Variants in REXO5 observed in about 807,000 individuals in gnomAD.
The protein encoded by REXO5 is RNA exonuclease 5.
In REXO5, 48 loss-of-function variants were observed where a neutral mutation model predicts 88.5. The ratio of observed to expected loss-of-function variants is 0.54; its 90% CI spans 0.43 to 0.69. The LOEUF (loss-of-function observed/expected upper bound fraction) is 0.69. Ranked by LOEUF, REXO5 falls within the 30% of genes least tolerant of loss-of-function variation. The pLI is 0.00. For synonymous variants in REXO5, 311 were observed against 336.5 expected (o/e 0.92, Z 0.83); for missense variants, 749 against 912.2 (o/e 0.82, Z 2.30).
intron 3 of REXO5, 42 bp downstream of exon 3, chr16:20,813,344 CTTTTTT>C: frequency 4.0e-4 from 257 of 642,386 alleles, no homozygotes; most frequent in Middle Eastern, 7.8e-4. Context: ...CCAGCGGTTT[CTTTTTT>C]TTTTTTTTTT....
chr16:20,815,999 G>A, intron 4 of REXO5, 117 bp from the exon 5 acceptor site: 1 of 756,276 alleles, frequency 1.3e-6, no homozygotes, highest in Non-Finnish European at 2.2e-6. Flanking sequence ...ATTTTAAAAT[G>A]CTAACAATTA....
At chr16:20,842,545 A>G (rs1295184067) in intron 15 of REXO5, among the ~76,000 whole-genome samples, 3 of 151,086 alleles carry the variant, frequency 2.0e-5, no homozygotes, top group Admixed American at 1.3e-4. Context: ...CGTGATCACA[A>G]CTAACTACAG....
intron 13 of REXO5, among the ~76,000 whole-genome samples, chr16:20,838,743 C>A (rs1445713448): frequency 6.6e-6 from 1 of 152,168 alleles, no homozygotes; most frequent in African/African-American, 2.4e-5. Context: ...GTCCTGTCAG[C>A]CTTCCGAGTC....
chr16:20,831,441 G>A (rs764009333), intron 11 of REXO5, among the ~76,000 whole-genome samples: 1 of 151,866 alleles, frequency 6.6e-6, no homozygotes, highest in African/African-American at 2.4e-5. Context: ...ATTAAGCATG[G>A]GCTTAATTAA....
chr16:20,815,053 T>G lies in REXO5; in HGVS notation c.378T>G (p.His126Gln). The G allele has an allele frequency of 6.2e-7, 1 of 1,610,662 alleles. No homozygotes were observed. The highest frequency in any genetic ancestry group is 2.2e-5 in the East Asian group (1 of 44,760). ...EFGCLRKAFR[H>Q]KFRLPPPSSD... ...GATGTCTTCGAAAAGCATTCAGACA[T>G]GTAAGTTAAGAATACTTTGTACTAG... is the stretch of plus-strand genomic sequence containing the variant. Residue 126 changes from histidine to glutamine, a missense_variant and splice_region_variant, in exon 4 of 20, where the codon CAT becomes CAG. Physicochemically the swap from His to Gln is conservative, Grantham distance 24. Transcript: ENST00000261377.
intron 8 of REXO5, among the ~76,000 whole-genome samples, chr16:20,826,453 C>T (rs1318126902): frequency 6.6e-6 from 1 of 152,220 alleles, no homozygotes; most frequent in African/African-American, 2.4e-5. Context: ...GCCAGTGAAA[C>T]ATTACTGTTC....
In REXO5 at chr16:20,844,624, G is replaced by A; in HGVS notation, c.1720-5G>A. The A allele has an allele frequency of 6.2e-7, 1 of 1,613,824 alleles. No homozygotes were observed. The highest frequency in any genetic ancestry group is 8.5e-7 in the Non-Finnish European group (1 of 1,179,812). Reference sequence around the variant, plus strand: ...CTACCACTAACACCAACTTTCCTTGGTTAGGTGCAGAGGCCTGTGACAGAG... The same window carrying A: ...CTACCACTAACACCAACTTTCCTTGATTAGGTGCAGAGGCCTGTGACAGAG... On this transcript the variant is annotated splice_polypyrimidine_tract_variant and splice_region_variant and intron_variant, in intron 16 of 19. Coordinates refer to ENST00000261377, the MANE Select transcript of REXO5 (RefSeq NM_030941.3).
chr16:20,846,370 C>A, intron 19 of REXO5, 31 bp downstream of exon 19: 1 of 1,520,484 alleles, frequency 6.6e-7, no homozygotes, highest in Non-Finnish European at 9.1e-7. Context: ...CCCTTCAGGA[C>A]TCTGTCCCCT....
chr16:20,813,161 G>A (rs374280099), intron 2 of REXO5, 29 bp from the exon 3 acceptor site: 56 of 1,431,532 alleles, frequency 3.9e-5, no homozygotes, highest in African/African-American at 2.4e-4. Flanking sequence ...ACCAATAATG[G>A]CTTGCTACGC....
intron 18 of REXO5, 69 bp downstream of exon 18, chr16:20,845,310 T>C (rs1190697460): frequency 7.3e-7 from 1 of 1,375,012 alleles, no homozygotes; most frequent in African/African-American, 1.5e-5. Flanking sequence ...AATCCTTTAA[T>C]CTTTTTTTTT....
Position 20,828,478 on chromosome 16 carries a change from G to A in REXO5, c.1099G>A (p.Glu367Lys), listed in dbSNP as rs544863530. The A allele has an allele frequency of 6.2e-7, 1 of 1,614,026 alleles. No homozygotes were observed. Among genetic ancestry groups the A allele is most frequent in the East Asian group, 2.2e-5 (1 of 44,880 alleles). Residue 367 changes from glutamate (E) to lysine (K), a missense_variant, in exon 11 of 20, where the codon GAA becomes AAA. By Grantham distance (56) the Glu-to-Lys change is moderately conservative. Transcript: ENST00000261377. ...AGACAGACTTGGTCATGATGCCACAGAAGATGCTAGAACAATCCTTGAATT... is the reference window on the plus strand; with the variant it reads ...AGACAGACTTGGTCATGATGCCACAAAAGATGCTAGAACAATCCTTGAATT... ...CPDRLGHDAT[E>K]DARTILELAR...
intron 13 of REXO5, among the ~76,000 whole-genome samples, chr16:20,833,893 G>A (rs796315977): frequency 2.0e-5 from 3 of 152,168 alleles, no homozygotes; most frequent in African/African-American, 7.2e-5. Context: ...CTTGTCATCT[G>A]TATTCTAATT....
chr16:20,844,077 C>T (rs770290769), intron 16 of REXO5, 51 bp downstream of exon 16: 1 of 1,112,412 alleles, frequency 9.0e-7, no homozygotes, highest in African/African-American at 1.5e-5. Flanking sequence ...CTACCACAGC[C>T]TGTATTTATA....
At chr16:20,845,370 C>A in intron 18 of REXO5, 129 bp downstream of exon 18, 1 of 668,580 alleles carries the variant, frequency 1.5e-6, no homozygotes, top group Non-Finnish European at 2.2e-6. Flanking sequence ...TCCTCCAGTC[C>A]TGGCCACATC....
At chr16:20,841,190 A>T (rs1057260706) in intron 15 of REXO5, among the ~76,000 whole-genome samples, 1 of 152,212 alleles carries the variant, frequency 6.6e-6, no homozygotes, top group Non-Finnish European at 1.5e-5. Context: ...TAATACTTGC[A>T]TATGGTTTTA....
rs1209992939 is a variant in REXO5 at position 20,806,938 on chromosome 16, A to G, written c.-2-14A>G. The stretch of plus-strand genomic sequence containing the variant: ...GCTGGAGTTTCCCCAGCTCTACCTC[A>G]TCTTTCTCCACAGCCATGGAGCCAG... On this transcript the variant is annotated splice_polypyrimidine_tract_variant and intron_variant, in intron 1 of 19. Transcript: ENST00000261377. 4 of 1,574,932 alleles carry G rather than the reference A, an allele frequency of 2.5e-6. No homozygotes were observed. Among genetic ancestry groups the G allele is most frequent in the Admixed American group, 1.8e-5 (1 of 54,414 alleles).
rs1057048376 is a variant in REXO5 at position 20,807,152 on chromosome 16, C to G, written c.138+61C>G. The G allele has an allele frequency of 3.9e-6, 6 of 1,538,480 alleles. No homozygotes were observed. The Admixed American group carries it at 8.2e-5, about 21-fold the overall frequency. ...CGGTTTGGAGCTCCCGGACCCTCGC[C>G]CAACCGCCGTCGGGGGCACTGGATT... On this transcript the variant is annotated intron_variant, in intron 2 of 19. Transcript: ENST00000261377.
Position 20,819,213 on chromosome 16 carries a change from G to A in REXO5, c.476-2549G>A, listed in dbSNP as rs566924487. ...TTGATACCATGTCTTTTCCACCTGC[G>A]CATATCTTTATAATAGAATGATTTA... On this transcript the variant is annotated intron_variant, in intron 5 of 19. Transcript: ENST00000261377. Among the ~76,000 whole-genome samples, 18 of 151,928 alleles carry A rather than the reference G, an allele frequency of 1.2e-4. No individual in the cohort carries two copies. In the East Asian group the frequency reaches 2.9e-3, roughly 25 times the overall value.
intron 11 of REXO5, among the ~76,000 whole-genome samples, chr16:20,828,789 T>C (rs2081296626): frequency 6.6e-6 from 1 of 152,062 alleles, no homozygotes. Flanking sequence ...TAGCCAGGTG[T>C]GGTGGCGCGT....
Sources: allele counts gnomAD v4.1 joint callset (sites outside exome capture counted in the v4.1 genomes callset), GRCh38; gene constraint gnomAD v4.1.1; transcripts MANE v1.5; gene names NCBI Gene and HGNC (gene_info 2026-07-23, HGNC 2026-07-21).